Variants in KANK3 observed in about 807,000 individuals in gnomAD.
The protein encoded by KANK3 is KN motif and ankyrin repeat domain-containing protein 3.
A neutral mutation model predicts 65.4 loss-of-function variants in KANK3; 61 were observed. The observed-to-expected ratio is 0.93, with a 90% CI of 0.76 to 1.15. The LOEUF (loss-of-function observed/expected upper bound fraction) is 1.15. KANK3 is among the 50% of genes most tolerant of loss of function. The pLI is 0.00. For missense variants in KANK3, 1,187 were observed against 1,178.8 expected (o/e 1.01, Z -0.10); for synonymous variants, 586 against 543.3 (o/e 1.08, Z -1.09).
intron 10 of KANK3, chr19:8,323,324 T>C (rs898871643): frequency 6.3e-6 from 1 of 157,564 alleles, no homozygotes; most frequent in Admixed American, 6.5e-5. Context: ...ATTGAATGTC[T>C]TATGTAATTT....
At position 8,342,262 on chromosome 19, in the gene KANK3, G is replaced by C. The variant is rs1014738747; in HGVS notation, c.-29+963C>G. 4.6e-5 allele frequency among the ~76,000 whole-genome samples: 7 copies of C among 152,158 alleles called. No individual in the cohort carries two copies. In the East Asian group the frequency reaches 7.7e-4, roughly 17 times the overall value. ...CCCTACTTGACCTCCCAAAGTGCTG[G>C]GATAACAGGCATGAACCACCAAGGA... is the stretch of plus-strand genomic sequence containing the variant. On this transcript the variant is annotated intron_variant, in intron 1 of 10. Coordinates refer to ENST00000330915, the MANE Select transcript of KANK3 (RefSeq NM_198471.3).
intron 7 of KANK3, among the ~76,000 whole-genome samples, chr19:8,328,643 C>T (rs560647360): frequency 2.0e-5 from 3 of 152,078 alleles, no homozygotes; most frequent in East Asian, 1.9e-4. Context: ...TAATTGTCCC[C>T]GCAAGGTCCA....
intron 10 of KANK3, 50 bp downstream of exon 10, chr19:8,324,399 A>C (rs1337926838): frequency 3.3e-6 from 5 of 1,516,722 alleles, no homozygotes; most frequent in Non-Finnish European, 4.5e-6. Context: ...TATCCTCTGC[A>C]AACTGAATTT....
At chr19:8,325,701 A>G (rs1970415636) in intron 7 of KANK3, among the ~76,000 whole-genome samples, 3 of 152,162 alleles carry the variant, frequency 2.0e-5, no homozygotes, top group Admixed American at 2.0e-4. Flanking sequence ...TGACTGAATA[A>G]TAAAAGGATA....
chr19:8,333,696 C>G lies in KANK3; in HGVS notation c.1719+28G>C, dbSNP rs890939359. 7.0e-7 allele frequency: 1 copy of G among 1,435,788 alleles called. No individual in the cohort carries two copies. Among genetic ancestry groups the G allele is most frequent in the South Asian group, 1.5e-5 (1 of 68,192 alleles). 88.9% of individuals were successfully genotyped at this position (1,435,788 alleles called of 1,614,324 possible). A position where few individuals can be genotyped will look rare whatever the true frequency, so the allele number is the denominator to read the frequency against. On this transcript the variant is annotated intron_variant, in intron 6 of 10. Coordinates refer to ENST00000330915, the MANE Select transcript of KANK3 (RefSeq NM_198471.3). This position sits in a 1 kb window ranked among gnomAD's most constrained non-coding sequence, Gnocchi z 5.0. ...GTCCTTGGAGGCTCCCACGCCACTC[C>G]CTGGTGCTGCGCTCCCGGGGCACTC...
chr19:8,336,310 G>T (rs1350261672), intron 2 of KANK3, among the ~76,000 whole-genome samples: 1 of 151,982 alleles, frequency 6.6e-6, no homozygotes, highest in African/African-American at 2.4e-5. Flanking sequence ...AGTGGCGCGC[G>T]CCTGTAATCC....
At chr19:8,342,769 CAG>C (rs1468508510) in intron 1 of KANK3, among the ~76,000 whole-genome samples, 1 of 152,188 alleles carries the variant, frequency 6.6e-6, no homozygotes, top group South Asian at 2.1e-4. Flanking sequence ...CGCACAGAGA[CAG>C]AGCAGTTTCC....
chr19:8,330,184 G>A (rs1356384954), intron 7 of KANK3, among the ~76,000 whole-genome samples: 1 of 152,156 alleles, frequency 6.6e-6, no homozygotes, highest in East Asian at 1.9e-4. Context: ...GGATTCCAGG[G>A]GATGAAAGAG....
chr19:8,338,397 A>G (rs1255158959), intron 1 of KANK3, among the ~76,000 whole-genome samples: 1 of 152,178 alleles, frequency 6.6e-6, no homozygotes, highest in Non-Finnish European at 1.5e-5. Context: ...GAAGCAGGAA[A>G]GACATCAAGC....
intron 2 of KANK3, among the ~76,000 whole-genome samples, 200 bp downstream of exon 2, chr19:8,337,595 C>T (rs1471909073): frequency 6.6e-6 from 1 of 152,074 alleles, no homozygotes; most frequent in Admixed American, 6.6e-5. Flanking sequence ...ATCCGCCCAC[C>T]GTGGCCTCCC....
At chr19:8,328,508 G>T (rs968429218) in intron 7 of KANK3, among the ~76,000 whole-genome samples, 1 of 151,932 alleles carries the variant, frequency 6.6e-6, no homozygotes, top group Admixed American at 6.6e-5. Context: ...CTGTGGGTTT[G>T]TCAGGCAGGC....
intron 7 of KANK3, among the ~76,000 whole-genome samples, chr19:8,326,045 G>A (rs1025048753): frequency 2.6e-5 from 4 of 152,054 alleles, no homozygotes; most frequent in East Asian, 1.9e-4. Flanking sequence ...GGCTGGTCTC[G>A]AACTCCGACC....
In KANK3 at chr19:8,335,662, C is replaced by T. The variant is rs551544049; in HGVS notation, c.165G>A (p.Leu55=). 1.9e-4 allele frequency: 243 copies of T among 1,253,658 alleles called. No homozygotes were observed. The African/African-American group carries it at 3.1e-3, about 16-fold the overall frequency. The allele number at this position is 1,253,658 out of a possible 1,614,324, so 77.7% of individuals were successfully genotyped here. A position where few individuals can be genotyped will look rare whatever the true frequency, so the allele number is the denominator to read the frequency against. ...CGCGGCGGGCAGCGGGGCCACGCTC[C>T]AGCTCCTCTATGTACTTGAGGAAGT... The part of the protein sequence containing the change: ...DLDFLKYIEE[L]ERGPAARRAP... Residue 55 remains leucine (L), a synonymous_variant, in exon 3 of 11, where the codon CTG becomes CTA. Coordinates refer to ENST00000330915, the MANE Select transcript of KANK3 (RefSeq NM_198471.3).
chr19:8,336,476 G>A (rs1970640509), intron 2 of KANK3, among the ~76,000 whole-genome samples: 1 of 150,656 alleles, frequency 6.6e-6, no homozygotes. Context: ...AGTGGCTCAC[G>A]CCTCTATCTC....
chr19:8,339,612 G>A (rs3097186), intron 1 of KANK3, among the ~76,000 whole-genome samples: 24,200 of 151,910 alleles, frequency 0.16, 2,167 homozygotes, highest in Non-Finnish European at 0.21. Flanking sequence ...CACCCACCTC[G>A]GCATCCCAAA....
rs1237550286 is a variant in KANK3 at position 8,334,720 on chromosome 19, A to C, written c.1107T>G (p.Ser369Arg). The change falls in exon 3 of 11, where the codon AGT (serine) becomes AGG (arginine). Residue 369 changes from serine (S) to arginine (R), a missense_variant. By Grantham distance (110) the Ser-to-Arg change is moderately radical. This residue lies in a region of KANK3 where 1,078 missense variants were observed against 1,038.2 expected (regional missense o/e 1.04). Transcript: ENST00000330915. ...RASLEHQRGV[S>R]ELLRGRLREL... ...CCCGCAACCGGCCCCGCAGAAGCTC[A>C]CTCACCCCGCGCTGGTGCTCCAGAC... 6.5e-7 allele frequency: 1 copy of C among 1,530,454 alleles called. No individual in the cohort carries two copies. Among genetic ancestry groups the C allele is most frequent in the African/African-American group, 1.4e-5 (1 of 72,078 alleles). 94.8% of individuals were successfully genotyped at this position (1,530,454 alleles called of 1,614,324 possible). A position where few individuals can be genotyped will look rare whatever the true frequency, so the allele number is the denominator to read the frequency against.
At position 8,335,414 on chromosome 19, in the gene KANK3, C is replaced by T; in HGVS notation, c.413G>A (p.Ser138Asn). 1 of 1,205,898 alleles carries T rather than the reference C, an allele frequency of 8.3e-7. No individual in the cohort carries two copies. Among genetic ancestry groups the T allele is most frequent in the Non-Finnish European group, 1.0e-6 (1 of 971,014 alleles). The allele number at this position is 1,205,898 out of a possible 1,614,324, so 74.7% of individuals were successfully genotyped here. Residue 138 changes from serine to asparagine, a missense_variant, in exon 3 of 11, where the codon AGC becomes AAC. This residue lies in a region of KANK3 where 1,078 missense variants were observed against 1,038.2 expected (regional missense o/e 1.04). Coordinates refer to ENST00000330915, the MANE Select transcript of KANK3 (RefSeq NM_198471.3). The part of the protein sequence containing the change: ...PRVEHTLRET[S>N]RRLELAQTHE... ...TGTCTGCGCCAGCTCCAGCCGCCGGCTGGTCTCCCGGAGCGTGTGCTCGAC... is the reference window on the plus strand; with the variant it reads ...TGTCTGCGCCAGCTCCAGCCGCCGGTTGGTCTCCCGGAGCGTGTGCTCGAC...
chr19:8,335,203 G>C lies in KANK3; in HGVS notation c.624C>G (p.Pro208=), dbSNP rs1484635534. The part of the protein sequence containing the change: ...RELEDQARTL[P]ELQEQVRALR... The stretch of plus-strand genomic sequence containing the variant: ...GCGCGCGCACCTGCTCCTGCAGCTC[G>C]GGCAGCGTTCGCGCCTGGTCCTCGA... Residue 208 remains proline (P), a synonymous_variant, in exon 3 of 11, where the codon CCC becomes CCG. Coordinates refer to ENST00000330915, the MANE Select transcript of KANK3 (RefSeq NM_198471.3). 2.5e-6 allele frequency: 3 copies of C among 1,219,330 alleles called. No homozygotes were observed. The highest frequency in any genetic ancestry group is 3.2e-5 in the South Asian group (1 of 31,096). The allele number at this position is 1,219,330 out of a possible 1,614,324, so 75.5% of individuals were successfully genotyped here.
intron 9 of KANK3, 36 bp downstream of exon 9, chr19:8,324,594 A>AC (rs748245756): frequency 1.9e-6 from 3 of 1,612,338 alleles, no homozygotes; most frequent in Non-Finnish European, 1.7e-6. Context: ...AGCCATGGGC[A>AC]CCCCCCAAGA....
Sources: allele counts gnomAD v4.1 joint callset (sites outside exome capture counted in the v4.1 genomes callset), GRCh38; gene constraint gnomAD v4.1.1; regional missense constraint gnomAD v4.1.1; non-coding constraint Gnocchi (gnomAD v3.1); transcripts MANE v1.5; gene names NCBI Gene and HGNC (gene_info 2026-07-23, HGNC 2026-07-21).